TRMT11: variants seen among roughly 807,000 people sequenced by gnomAD.
The protein encoded by TRMT11 is tRNA methyltransferase 11, also known as tRNA (guanine(10)-N(2))-methyltransferase TRMT11.
In TRMT11, 53 loss-of-function variants were observed where a neutral mutation model predicts 62.8. The observed-to-expected ratio is 0.84, with a 90% CI of 0.68 to 1.06. The LOEUF (loss-of-function observed/expected upper bound fraction) is 1.06, where lower values mean the gene tolerates loss of function less well. Among genes scored for constraint, TRMT11 ranks in the 50% least tolerant of loss-of-function variants. The pLI, the probability that TRMT11 is intolerant of heterozygous loss-of-function variation, is 0.00. For missense variants in TRMT11, 556 were observed against 553.4 expected, an observed-to-expected ratio of 1.00 and a Z score of -0.05; for synonymous variants, 188 against 190.3, an observed-to-expected ratio of 0.99 and a Z score of 0.10.
intron 17 of TRMT11, among the ~76,000 whole-genome samples, chr6:126,074,272 C>T (rs1776946730): frequency 1.3e-5 from 2 of 152,300 alleles, no homozygotes; most frequent in African/African-American, 4.8e-5. Context: ...CTGTATGTGT[C>T]TCTGTGTTTA....
chr6:126,161,222 C>G (rs1317770511), intron 21 of TRMT11, among the ~76,000 whole-genome samples: 2 of 152,036 alleles, frequency 1.3e-5, no homozygotes, highest in East Asian at 3.9e-4. Context: ...TAATGCTAAC[C>G]CTCCCCTTGT....
the TRMT11 span, among the ~76,000 whole-genome samples, chr6:126,230,395 G>A: frequency 7.2e-5 from 11 of 152,284 alleles, no homozygotes; most frequent in East Asian, 2.1e-3. Flanking sequence ...GGCTTCCTTA[G>A]CTTCGAACTC....
intron 3 of TRMT11, chr6:126,199,975 G>T (rs1232538720): frequency 6.6e-6 from 1 of 152,098 alleles, no homozygotes; most frequent in South Asian, 2.1e-4. Flanking sequence ...TGCACTGATG[G>T]GTAACATGTA....
intron 21 of TRMT11, among the ~76,000 whole-genome samples, chr6:126,139,514 G>A (rs759687479): frequency 8.6e-5 from 13 of 151,836 alleles, no homozygotes; most frequent in Admixed American, 2.6e-4. Context: ...GATTACAGGC[G>A]CCTGCTACCA....
rs150331415 is a variant in TRMT11, at chr6:126,152,828, G to C, written c.*1824-21997G>C. On this transcript the variant is annotated intron_variant and NMD_transcript_variant, in intron 21 of 22. Coordinates refer to the TRMT11 transcript ENST00000648977. Reference sequence around the variant, plus strand: ...TCAGTCTTGATTCACTGTGCTTGCTGTCCTTCCTCAGTCACTGCTGTTGCA... The same window carrying C: ...TCAGTCTTGATTCACTGTGCTTGCTCTCCTTCCTCAGTCACTGCTGTTGCA... Among the ~76,000 whole-genome samples, 459 of 152,300 alleles carry C rather than the reference G, an allele frequency of 3.0e-3. 2 individuals carry two copies. The highest frequency in any genetic ancestry group is 0.014 in the South Asian group (67 of 4,822).
intron 17 of TRMT11, among the ~76,000 whole-genome samples, chr6:126,077,494 G>A (rs1169722196): frequency 6.6e-6 from 1 of 152,154 alleles, no homozygotes; most frequent in Non-Finnish European, 1.5e-5. Flanking sequence ...TTCCTTTCTT[G>A]TGTAATTTCT....
chr6:126,151,130 GTTAT>G (rs1355248098), intron 21 of TRMT11, among the ~76,000 whole-genome samples: 2 of 151,872 alleles, frequency 1.3e-5, no homozygotes, highest in Non-Finnish European at 2.9e-5. Flanking sequence ...ATACCTTGGG[GTTAT>G]TTTTCTCTTT....
rs775279783 is a variant in TRMT11 at position 126,038,754 on chromosome 6, A to G, written c.1310A>G (p.Gln437Arg). 55 of 1,602,838 alleles carry G rather than the reference A, an allele frequency of 3.4e-5. 1 individual carries two copies. The South Asian group carries it at 5.6e-4, about 16-fold the overall frequency. The change falls in exon 13 of 13, where the codon CAA becomes CGA. Residue 437 changes from glutamine to arginine, a missense_variant. Physicochemically the swap from Gln to Arg is conservative, Grantham distance 43. Transcript: ENST00000334379. ...HLLSDHFLPY[Q>R]GHNSFREKYF... ...CTAAGTGATCATTTTCTGCCATACC[A>G]AGGTCATAATTCCTTCCGTGAGAAA...
At chr6:126,251,762 G>A in the TRMT11 span, among the ~76,000 whole-genome samples, 4 of 152,104 alleles carry the variant, frequency 2.6e-5, no homozygotes, top group African/African-American at 2.4e-5. Flanking sequence ...GAAATAATCC[G>A]AACTCATTTT....
chr6:126,238,177 A>AT, the TRMT11 span, among the ~76,000 whole-genome samples: 661 of 152,120 alleles, frequency 4.3e-3, 4 homozygotes, highest in Middle Eastern at 0.014. Flanking sequence ...GGATTCATTG[A>AT]TTTTTTGAAG....
At chr6:126,011,854 A>G (rs1205938706) in intron 9 of TRMT11, among the ~76,000 whole-genome samples, 1 of 152,176 alleles carries the variant, frequency 6.6e-6, no homozygotes, top group Non-Finnish European at 1.5e-5. Context: ...GTGTTTTTGT[A>G]GTGCCTGTTT....
intron 21 of TRMT11, among the ~76,000 whole-genome samples, chr6:126,126,947 A>T (rs939965164): frequency 1.3e-5 from 2 of 152,156 alleles, no homozygotes; most frequent in African/African-American, 4.8e-5. Context: ...TTAGGAAAAA[A>T]ATAAATCTTT....
At chr6:125,994,774 C>T (rs1299491913) in intron 2 of TRMT11, among the ~76,000 whole-genome samples, 2 of 152,064 alleles carry the variant, frequency 1.3e-5, no homozygotes, top group Non-Finnish European at 2.9e-5. Flanking sequence ...TAAAAAGGAA[C>T]GAGATCATGC....
intron 17 of TRMT11, among the ~76,000 whole-genome samples, chr6:126,089,517 A>G (rs1562320431): frequency 1.3e-5 from 2 of 152,108 alleles, no homozygotes. Context: ...TAAGAAACTT[A>G]CCCCGGGTCA....
chr6:126,257,933 G>A, the TRMT11 span: 4 of 1,548,130 alleles, frequency 2.6e-6, no homozygotes, highest in African/African-American at 5.5e-5. Flanking sequence ...ACTTCTTCTG[G>A]GGTGTGCTCA....
At chr6:126,245,453 A>T in the TRMT11 span, among the ~76,000 whole-genome samples, 1 of 152,248 alleles carries the variant, frequency 6.6e-6, no homozygotes, top group Non-Finnish European at 1.5e-5. Context: ...TTAAAGGGCA[A>T]CTGTTAAAAG....
intron 21 of TRMT11, among the ~76,000 whole-genome samples, chr6:126,156,771 A>T (rs1778127097): frequency 6.6e-6 from 1 of 152,046 alleles, no homozygotes. Flanking sequence ...ATCTAGCAAG[A>T]ATTTGCTTAC....
intron 8 of TRMT11, 78 bp from the exon 9 acceptor site, chr6:126,011,175 A>G: frequency 7.7e-7 from 1 of 1,296,528 alleles, no homozygotes; most frequent in Non-Finnish European, 1.0e-6. Context: ...AGTGAGTTAA[A>G]ACATTACTTT....
intron 17 of TRMT11, among the ~76,000 whole-genome samples, chr6:126,061,664 T>A (rs551945358): frequency 6.6e-6 from 1 of 152,192 alleles, no homozygotes; most frequent in Non-Finnish European, 1.5e-5. Flanking sequence ...AATGGCACCT[T>A]CCTCGTCAGA....
Sources: allele counts gnomAD v4.1 joint callset (sites outside exome capture counted in the v4.1 genomes callset), GRCh38; gene constraint gnomAD v4.1.1; transcripts MANE v1.5; gene names NCBI Gene and HGNC (gene_info 2026-07-23, HGNC 2026-07-21).